TRANK1: variants seen among roughly 807,000 people sequenced by gnomAD.
TRANK1 encodes the protein tetratricopeptide repeat and ankyrin repeat containing 1, also known as TPR and ankyrin repeat-containing protein 1.
TRANK1 carries 198 observed loss-of-function variants against 266.0 expected under a neutral mutation model. The observed-to-expected ratio is 0.74, with a 90% confidence interval of 0.66 to 0.84. The LOEUF (loss-of-function observed/expected upper bound fraction) is 0.84, where lower values mean the gene tolerates loss of function less well. TRANK1 is among the 40% of genes least tolerant of loss of function. The pLI is 0.00. For missense variants in TRANK1, 3,326 were observed against 3,634.6 expected, an observed-to-expected ratio of 0.92 and a Z score of 2.18; for synonymous variants, 1,396 against 1,384.1, an observed-to-expected ratio of 1.01 and a Z score of -0.19.
chr3:36,850,605 T>C (rs1382598129), intron 15 of TRANK1: 2 of 773,960 alleles, frequency 2.6e-6, no homozygotes, highest in Non-Finnish European at 3.1e-6. Context: ...CATATCTCTA[T>C]AAAAATAAAA....
At chr3:36,918,546 GGAAGGAAGGAAGGAAGGTAGGA>G in intron 1 of TRANK1, among the ~76,000 whole-genome samples, 1 of 48,572 alleles carries the variant, frequency 2.1e-5, no homozygotes, top group African/African-American at 8.4e-5. Context: ...AAGGAAGGAA[GGAAGGAAGGAAGGAAGGTAGGA>G]AGGAAGGAAG....
intron 1 of TRANK1, among the ~76,000 whole-genome samples, chr3:36,930,249 G>T (rs2080343262): frequency 1.3e-5 from 2 of 152,196 alleles, no homozygotes; most frequent in South Asian, 4.1e-4. Flanking sequence ...GGGGAGGAGT[G>T]ATGAGGAACG....
chr3:36,856,119 C>T lies in TRANK1; in HGVS notation c.3603G>A (p.Leu1201=), dbSNP rs1177283806. ...HQIFVTKNHV[L]CQEVQRNFIE... is the part of the protein sequence containing the mutation. ...TGAAATTCCTTTGTACCTCCTGGCA[C>T]AGCACATGGTTCTTGGTCACAAAGA... is the stretch of plus-strand genomic sequence containing the variant. The change falls in exon 13 of 24, where the codon CTG becomes CTA. Residue 1201 remains leucine (L), a synonymous_variant. Transcript: ENST00000645898. 3 of 1,613,740 alleles carry T rather than the reference C, an allele frequency of 1.9e-6. No individual in the cohort carries two copies. Among genetic ancestry groups the T allele is most frequent in the East Asian group, 2.2e-5 (1 of 44,866 alleles).
At chr3:36,895,809 G>C in intron 4 of TRANK1, 51 bp from the exon 5 acceptor site, 2 of 1,277,734 alleles carry the variant, frequency 1.6e-6, no homozygotes, top group Non-Finnish European at 2.1e-6. Context: ...AAAGTCTACA[G>C]CATTTGGGAA....
chr3:36,907,016 A>G (rs2125630090), intron 2 of TRANK1, among the ~76,000 whole-genome samples: 1 of 152,364 alleles, frequency 6.6e-6, no homozygotes, highest in Admixed American at 6.5e-5. Flanking sequence ...ATTGCAACAG[A>G]CTGAATACAG....
rs2079795292 is a variant in TRANK1 at position 36,896,688 on chromosome 3, A to C, written c.434-930T>G. Among the ~76,000 whole-genome samples, 3 of 152,212 alleles carry C rather than the reference A, an allele frequency of 2.0e-5. No homozygotes were observed. In the South Asian group the frequency reaches 6.2e-4, roughly 32 times the overall value. On this transcript the variant is annotated intron_variant, in intron 4 of 23. Transcript: ENST00000645898. ...TAACTCCGGCCTGGCTTCTGACAGA[A>C]CAGTGACATTTAAAAGATGCAGAGG...
rs368440530 is a variant in TRANK1 at position 36,832,552 on chromosome 3, G to A, written c.7031C>T (p.Pro2344Leu). The change falls in exon 22 of 24, where the codon CCG becomes CTG. Residue 2344 changes from proline to leucine, a missense_variant. Physicochemically the swap from Pro to Leu is moderately conservative, Grantham distance 98 (BLOSUM62 -3). Transcript: ENST00000645898. ...GTGGAGCAGCTTTTCAAACTCCTCCGGGTAGTTGGAAGAGAGAAGGAAAGC... is the reference window on the plus strand; with the variant it reads ...GTGGAGCAGCTTTTCAAACTCCTCCAGGTAGTTGGAAGAGAGAAGGAAAGC... ...MQAFLLSSNY[P>L]EEFEKLLHQE... 9.0e-5 allele frequency: 146 copies of A among 1,613,804 alleles called. No homozygotes were observed. The highest frequency in any genetic ancestry group is 1.7e-4 in the Admixed American group (10 of 59,994).
At chr3:36,861,755 G>T (rs111687462) in intron 10 of TRANK1, among the ~76,000 whole-genome samples, 1 of 145,752 alleles carries the variant, frequency 6.9e-6, no homozygotes, top group Non-Finnish European at 1.5e-5. Flanking sequence ...GCCCAGGCTG[G>T]AATACAGTGG....
intron 1 of TRANK1, among the ~76,000 whole-genome samples, chr3:36,941,754 C>T (rs547859734): frequency 1.3e-5 from 2 of 152,354 alleles, no homozygotes; most frequent in Non-Finnish European, 2.9e-5. Flanking sequence ...GTAACTGTTA[C>T]AGTGTCATCT....
chr3:36,926,127 T>C (rs1190681758), intron 1 of TRANK1, among the ~76,000 whole-genome samples: 1 of 152,186 alleles, frequency 6.6e-6, no homozygotes, highest in Non-Finnish European at 1.5e-5. Flanking sequence ...TGAGGTACTT[T>C]GCGTTTAACT....
At chr3:36,908,658 T>C (rs1400869367) in intron 1 of TRANK1, 1 of 1,220,918 alleles carries the variant, frequency 8.2e-7, no homozygotes, top group Non-Finnish European at 1.0e-6. Context: ...TTCTTTTCTG[T>C]TCTCAAGGGT....
chr3:36,850,526 C>T (rs1193117658), intron 15 of TRANK1: 9 of 983,936 alleles, frequency 9.1e-6, no homozygotes, highest in Admixed American at 1.2e-4. Context: ...CTCAGCACTT[C>T]GGGAGGCCAA....
At position 36,833,192 on chromosome 3, in the gene TRANK1, G is replaced by T; in HGVS notation, c.6391C>A (p.Gln2131Lys). The change falls in exon 22 of 24, where the codon CAG becomes AAG. Residue 2131 changes from glutamine (Q) to lysine (K), a missense_variant. Physicochemically the swap from Gln to Lys is moderately conservative, Grantham distance 53. Coordinates refer to ENST00000645898, the MANE Select transcript of TRANK1 (RefSeq NM_001329998.2). Reference sequence around the variant, plus strand: ...CTTAATATGGGCCCAGGGTCATTCTGAGCTATCTGGCAATACTTGGCATCC... The same window carrying T: ...CTTAATATGGGCCCAGGGTCATTCTTAGCTATCTGGCAATACTTGGCATCC... ...QVDAKYCQIAQNDPGPILRII... is the reference protein window; with the variant it reads ...QVDAKYCQIAKNDPGPILRII... The T allele has an allele frequency of 6.2e-7, 1 of 1,613,874 alleles. No homozygotes were observed. Among genetic ancestry groups the T allele is most frequent in the Non-Finnish European group, 8.5e-7 (1 of 1,179,858 alleles).
At position 36,838,708 on chromosome 3, in the gene TRANK1, G is replaced by A. The variant is rs181407408; in HGVS notation, c.5289C>T (p.Ala1763=). The A allele has an allele frequency of 1.7e-4, 269 of 1,613,412 alleles. 2 individuals carry two copies. The Middle Eastern group carries it at 2.8e-3, about 17-fold the overall frequency. ...YAKHQCWKVA[A]KCYQKGGAFE... ...ATGCACCTCCTTTCTGGTAACACTT[G>A]GCTGCAACCTGGAATAGGCAAAAAG... The change falls in exon 19 of 24, where the codon GCC becomes GCT. Residue 1763 remains alanine, a synonymous_variant. Transcript: ENST00000645898.
chr3:36,892,437 TG>T, intron 6 of TRANK1, 97 bp from the exon 7 acceptor site: 1 of 1,415,022 alleles, frequency 7.1e-7, no homozygotes, highest in East Asian at 2.5e-5. Context: ...CAGTAAAACT[TG>T]GATTAGCTGT....
intron 9 of TRANK1, among the ~76,000 whole-genome samples, chr3:36,873,397 T>C (rs2079337934): frequency 6.6e-6 from 1 of 152,146 alleles, no homozygotes. Context: ...TAAAAATATA[T>C]ACATGTTTCA....
intron 8 of TRANK1, among the ~76,000 whole-genome samples, chr3:36,881,850 C>T (rs905265444): frequency 1.3e-5 from 2 of 152,158 alleles, no homozygotes; most frequent in Admixed American, 1.3e-4. Context: ...TCACACAACA[C>T]ATGGTCTTTT....
chr3:36,940,263 C>G (rs900298615), intron 1 of TRANK1, among the ~76,000 whole-genome samples: 1 of 150,918 alleles, frequency 6.6e-6, no homozygotes, highest in Non-Finnish European at 1.5e-5. Context: ...TTTGGGAGGC[C>G]GAGGCGGGTG....
rs373914926 is a variant in TRANK1 at position 36,857,824 on chromosome 3, T to C, written c.1898A>G (p.His633Arg). 6.2e-7 allele frequency: 1 copy of C among 1,613,952 alleles called. No individual in the cohort carries two copies. Among genetic ancestry groups the C allele is most frequent in the Non-Finnish European group, 8.5e-7 (1 of 1,179,888 alleles). The change falls in exon 13 of 24, where the codon CAC (histidine) becomes CGC (arginine). Residue 633 changes from histidine (H) to arginine (R), a missense_variant. His to Arg is a conservative substitution (Grantham distance 29, BLOSUM62 0). Coordinates refer to ENST00000645898, the MANE Select transcript of TRANK1 (RefSeq NM_001329998.2). The surrounding 1 kb of genome is among the most constrained non-coding windows in gnomAD (Gnocchi z 4.3). ...LKNKEGKDAR[H>R]RIKKNDSLLL... ...CAGAGAGTCGTTCTTCTTAATCCGGTGCCGTGCATCTTTGCCCTCTTTGTT... is the reference window on the plus strand; with the variant it reads ...CAGAGAGTCGTTCTTCTTAATCCGGCGCCGTGCATCTTTGCCCTCTTTGTT...
Sources: allele counts gnomAD v4.1 joint callset (sites outside exome capture counted in the v4.1 genomes callset), GRCh38; gene constraint gnomAD v4.1.1; non-coding constraint Gnocchi (gnomAD v3.1); transcripts MANE v1.5; gene names NCBI Gene and HGNC (gene_info 2026-07-23, HGNC 2026-07-21).